The following RUFY2 variants were observed in gnomAD, a reference collection of about 807,000 sequenced individuals.
The protein encoded by RUFY2 is RUN and FYVE domain containing 2.
In RUFY2, 49 loss-of-function variants were observed where a neutral mutation model predicts 94.4. That is an observed-to-expected ratio of 0.52 (90% CI 0.41 to 0.66). The LOEUF is 0.66. Among genes scored for constraint, RUFY2 ranks in the 30% least tolerant of loss-of-function variants. The pLI is 0.00. For missense variants in RUFY2, 541 were observed against 692.8 expected, an observed-to-expected ratio of 0.78 and a Z score of 2.46; for synonymous variants, 255 against 235.7, an observed-to-expected ratio of 1.08 and a Z score of -0.75.
intron 16 of RUFY2, among the ~76,000 whole-genome samples, chr10:68,350,124 C>T (rs1374952445): frequency 2.0e-5 from 3 of 152,166 alleles, no homozygotes; most frequent in African/African-American, 7.2e-5. Flanking sequence ...ATCCTCTTAC[C>T]TCAGCCTCCC....
chr10:68,349,409 A>T (rs2046500233), intron 16 of RUFY2, among the ~76,000 whole-genome samples: 1 of 150,116 alleles, frequency 6.7e-6, no homozygotes, highest in Non-Finnish European at 1.5e-5. Context: ...GGTCCCAGCA[A>T]CTCAGGAGGC....
intron 1 of RUFY2, 66 bp downstream of exon 1, chr10:68,407,120 C>T (rs538501257): frequency 1.3e-6 from 2 of 1,514,922 alleles, no homozygotes; most frequent in East Asian, 2.6e-5. Flanking sequence ...CAGTCCACCC[C>T]GCCTGGCCGC....
At chr10:68,404,882 G>A in intron 1 of RUFY2, 38 bp from the exon 2 acceptor site, 1 of 1,484,986 alleles carries the variant, frequency 6.7e-7, no homozygotes, top group Non-Finnish European at 9.1e-7. Context: ...TCATTTGTAA[G>A]ACATGACAAT....
intron 16 of RUFY2, among the ~76,000 whole-genome samples, chr10:68,351,037 A>G (rs1036044115): frequency 6.6e-6 from 1 of 150,452 alleles, no homozygotes; most frequent in African/African-American, 2.5e-5. Flanking sequence ...GTTGTACTAT[A>G]TATGCATTCT....
At chr10:68,381,786 T>C (rs2049076931) in intron 10 of RUFY2, among the ~76,000 whole-genome samples, 1 of 152,204 alleles carries the variant, frequency 6.6e-6, no homozygotes, top group South Asian at 2.1e-4. Flanking sequence ...AGGCAAAGGT[T>C]GCAGTGAGCT....
Position 68,373,819 on chromosome 10 carries a change from A to G in RUFY2, c.1325+3034T>C, listed in dbSNP as rs533066911. Among the ~76,000 whole-genome samples, 5 of 152,284 alleles carry G rather than the reference A, an allele frequency of 3.3e-5. No individual in the cohort carries two copies. In the East Asian group the frequency reaches 9.6e-4, roughly 29 times the overall value. ...ACAAAACATGAACTATATGCTGTCTATAAGAAACTTTCGGCTGGGAGCAGT... is the reference window on the plus strand; with the variant it reads ...ACAAAACATGAACTATATGCTGTCTGTAAGAAACTTTCGGCTGGGAGCAGT... On this transcript the variant is annotated intron_variant, in intron 13 of 17. Transcript: ENST00000602465.
Position 68,376,833 on chromosome 10 carries a change from T to G in RUFY2, c.1325+20A>C, listed in dbSNP as rs755138830. On this transcript the variant is annotated intron_variant, in intron 13 of 17. Transcript: ENST00000602465. ...GGTTATGTTAACACAAGTATTTGTT[T>G]CTGAGAGTGAAATACTCACAGCTGT... The G allele has an allele frequency of 1.2e-5, 19 of 1,609,994 alleles. No homozygotes were observed. The South Asian group carries it at 2.1e-4, about 18-fold the overall frequency.
chr10:68,375,556 C>T (rs570836115), intron 13 of RUFY2, among the ~76,000 whole-genome samples: 1 of 151,906 alleles, frequency 6.6e-6, no homozygotes, highest in South Asian at 2.1e-4. Flanking sequence ...AGGTGGATCA[C>T]GAGGTCAGGA....
At chr10:68,378,565 G>A (rs1369605441) in intron 12 of RUFY2, 4 of 1,580,266 alleles carry the variant, frequency 2.5e-6, no homozygotes, top group Non-Finnish European at 3.4e-6. Flanking sequence ...GTGGTCTTCA[G>A]AAAGATATAT....
chr10:68,374,753 G>A (rs1030355048), intron 13 of RUFY2, among the ~76,000 whole-genome samples: 1 of 151,922 alleles, frequency 6.6e-6, no homozygotes, highest in African/African-American at 2.4e-5. Context: ...TTCCATTGTT[G>A]TTTTCTTTTT....
chr10:68,347,157 C>G (rs1419438206), intron 16 of RUFY2, among the ~76,000 whole-genome samples: 1 of 151,820 alleles, frequency 6.6e-6, no homozygotes, highest in East Asian at 1.9e-4. Flanking sequence ...AAGGACCTCA[C>G]TTTAAAAGTT....
intron 7 of RUFY2, among the ~76,000 whole-genome samples, chr10:68,391,214 G>A (rs1439793450): frequency 6.6e-6 from 1 of 152,128 alleles, no homozygotes; most frequent in Admixed American, 6.6e-5. Context: ...GGGATTACAG[G>A]AGTGAGACAT....
intron 16 of RUFY2, among the ~76,000 whole-genome samples, chr10:68,352,669 A>G (rs151118498): frequency 0.026 from 3,935 of 152,240 alleles, 68 homozygotes; most frequent in Middle Eastern, 0.068. Flanking sequence ...GGTGGCTCAC[A>G]CCTGTAATCC....
Position 68,379,581 on chromosome 10 carries a change from G to C in RUFY2, c.1108-60C>G, listed in dbSNP as rs1242772328. 1.2e-5 allele frequency: 14 copies of C among 1,197,584 alleles called. No homozygotes were observed. In the African/African-American group the frequency reaches 2.0e-4, roughly 17 times the overall value. 74.2% of individuals were successfully genotyped at this position (1,197,584 alleles called of 1,614,324 possible). A position where few individuals can be genotyped will look rare whatever the true frequency, so the allele number is the denominator to read the frequency against. On this transcript the variant is annotated intron_variant, in intron 11 of 17. Coordinates refer to ENST00000602465, the MANE Select transcript of RUFY2 (RefSeq NM_001330103.2). ...TTTGTGTGTGTGTGTTTGTGTGTGT[G>C]TGTGTGTGCGTGTTTTTAATAGATA...
intron 16 of RUFY2, among the ~76,000 whole-genome samples, chr10:68,353,537 T>A (rs2046843297): frequency 6.6e-6 from 1 of 150,744 alleles, no homozygotes; most frequent in South Asian, 2.1e-4. Context: ...TGGGGGCTCA[T>A]GCTTGTAATC....
chr10:68,368,058 C>T (rs555533776), intron 13 of RUFY2, among the ~76,000 whole-genome samples: 6 of 151,828 alleles, frequency 4.0e-5, no homozygotes, highest in Admixed American at 1.3e-4. Flanking sequence ...CTCCGCCTCC[C>T]GGGTTCAAGT....
intron 12 of RUFY2, chr10:68,377,509 G>GAT (rs2048755532): frequency 2.0e-6 from 2 of 976,340 alleles, no homozygotes; most frequent in South Asian, 9.6e-5. Context: ...TTATGCCGAA[G>GAT]CTCTGTGTGT....
chr10:68,372,579 T>A (rs2048351660), intron 13 of RUFY2, among the ~76,000 whole-genome samples: 1 of 120,166 alleles, frequency 8.3e-6, no homozygotes. Flanking sequence ...GACCCCTCTC[T>A]CTTTAAAAAA....
At chr10:68,388,956 A>C (rs886279437) in intron 7 of RUFY2, among the ~76,000 whole-genome samples, 1 of 152,308 alleles carries the variant, frequency 6.6e-6, no homozygotes, top group Admixed American at 6.5e-5. Context: ...GCAGCGGCAC[A>C]AACTCAGCTC....
Sources: allele counts gnomAD v4.1 joint callset (sites outside exome capture counted in the v4.1 genomes callset), GRCh38; gene constraint gnomAD v4.1.1; transcripts MANE v1.5; gene names NCBI Gene and HGNC (gene_info 2026-07-23, HGNC 2026-07-21).